HAL: variants seen among roughly 807,000 people sequenced by gnomAD.
The protein encoded by HAL is histidase.
In HAL, 85 loss-of-function variants were observed where a neutral mutation model predicts 81.1. That is an observed-to-expected ratio of 1.05 (90% CI 0.88 to 1.25). HAL has a LOEUF of 1.25. HAL is among the 50% of genes most tolerant of loss of function. The probability of loss-of-function intolerance (pLI) is 0.00; values close to 1 mark genes in which losing one functional copy is unlikely to be tolerated. For missense variants in HAL, 798 were observed against 836.6 expected, an observed-to-expected ratio of 0.95 and a Z score of 0.57; for synonymous variants, 301 against 309.2, an observed-to-expected ratio of 0.97 and a Z score of 0.28.
At chr12:95,992,856 C>A in intron 8 of HAL, 51 bp from the exon 9 acceptor site, 1 of 1,537,342 alleles carries the variant, frequency 6.5e-7, no homozygotes, top group South Asian at 1.1e-5. Flanking sequence ...TCCTTTTTGT[C>A]TCCTGACAAT....
rs1249546927 is a variant in HAL at position 95,976,613 on chromosome 12, A to C, written c.1748T>G (p.Val583Gly). Residue 583 changes from valine (V) to glycine (G), a missense_variant, in exon 19 of 21, where the codon GTG becomes GGG. By Grantham distance (109) the Val-to-Gly change is moderately radical. Transcript: ENST00000261208. ...TTPLEKVYDLVRSVVRPWIKD... is the reference protein window; with the variant it reads ...TTPLEKVYDLGRSVVRPWIKD... The stretch of plus-strand genomic sequence containing the variant: ...TTGATCTTACCTTACAACAGAGCGC[A>C]CCAGGTCATAGACCTTCTCCAGCGG... 1.9e-6 allele frequency: 3 copies of C among 1,608,108 alleles called. No individual in the cohort carries two copies. In the Admixed American group the frequency reaches 5.0e-5, roughly 27 times the overall value.
Position 95,980,838 on chromosome 12 carries a change from G to A in HAL, c.1313C>T (p.Thr438Ile), listed in dbSNP as rs779946154. The A allele has an allele frequency of 1.7e-5, 27 of 1,580,194 alleles. No individual in the cohort carries two copies. Among genetic ancestry groups the A allele is most frequent in the East Asian group, 1.3e-4 (6 of 44,656 alleles). ...ACCATGGAAGTTTCCTCCAGAAACT[G>A]TCTCTCCCCTATTGGCAAAGACCAT... is the stretch of plus-strand genomic sequence containing the variant. ...NPMVFANRGE[T>I]VSGGNFHGEY... The change falls in exon 16 of 21, where the codon ACA (threonine) becomes ATA (isoleucine). Residue 438 changes from threonine to isoleucine, a missense_variant. By Grantham distance (89) the Thr-to-Ile change is moderately conservative. Coordinates refer to ENST00000261208, the MANE Select transcript of HAL (RefSeq NM_002108.4).
chr12:95,974,472 T>C lies in HAL; in HGVS notation c.1834-100A>G, dbSNP rs536362434. The stretch of plus-strand genomic sequence containing the variant: ...CCGAAGTCAAAACATACTCTATACA[T>C]GACCAGACACAGCTGCTGTTTGCTT... On this transcript the variant is annotated intron_variant, in intron 20 of 20. Transcript: ENST00000261208. 1.4e-4 allele frequency: 139 copies of C among 1,026,980 alleles called. No individual in the cohort carries two copies. In the African/African-American group the frequency reaches 1.9e-3, roughly 14 times the overall value. 63.6% of individuals were successfully genotyped at this position (1,026,980 alleles called of 1,614,324 possible).
chr12:95,994,634 C>T (rs1181731924), intron 4 of HAL, among the ~76,000 whole-genome samples, 164 bp downstream of exon 4: 2 of 152,184 alleles, frequency 1.3e-5, no homozygotes, highest in Non-Finnish European at 2.9e-5. Flanking sequence ...AAGTGAACTG[C>T]CCACCTCGGC....
At chr12:95,986,238 C>T (rs1949886492) in intron 12 of HAL, 78 bp from the exon 13 acceptor site, 1 of 876,658 alleles carries the variant, frequency 1.1e-6, no homozygotes, top group Non-Finnish European at 1.9e-6. Context: ...TCACTACGTT[C>T]CCCAGGCTGG....
At position 95,980,569 on chromosome 12, in the gene HAL, C is replaced by G. The variant is rs772676554; in HGVS notation, c.1506G>C (p.Thr502=). Residue 502 remains threonine (T), a synonymous_variant, in exon 17 of 21, where the codon ACG becomes ACC. Coordinates refer to ENST00000261208, the MANE Select transcript of HAL (RefSeq NM_002108.4). The part of the protein sequence containing the change: ...LNSGFMIAHC[T]AAALVSENKA... ...CAGTGTCCTTACCAAGGGCTGCTGC[C>G]GTGCAGTGAGCTATCATGAACCCAG... The G allele has an allele frequency of 6.2e-6, 10 of 1,613,388 alleles. No individual in the cohort carries two copies. The highest frequency in any genetic ancestry group is 8.5e-6 in the Non-Finnish European group (10 of 1,179,972).
chr12:95,974,870 G>C (rs544188475), intron 20 of HAL, among the ~76,000 whole-genome samples: 49 of 152,268 alleles, frequency 3.2e-4, no homozygotes, highest in Admixed American at 2.0e-3. Context: ...CTCCTGAGTA[G>C]CTGGGATTAC....
rs1440244250 is a variant in HAL, at chr12:95,973,309, A to G, written c.*923T>C. The G allele has an allele frequency of 6.6e-6, 1 of 152,208 alleles. No homozygotes were observed. The highest frequency in any genetic ancestry group is 1.9e-4 in the East Asian group (1 of 5,194). 9.4% of individuals were successfully genotyped at this position (152,208 alleles called of 1,614,324 possible). A position where few individuals can be genotyped will look rare whatever the true frequency, so the allele number is the denominator to read the frequency against. Reference sequence around the variant, plus strand: ...TGAAGGTCCTTTATCTTCTCGGGGAAAAAAATAGATGCAGTAATACACTCT... The same window carrying G: ...TGAAGGTCCTTTATCTTCTCGGGGAGAAAAATAGATGCAGTAATACACTCT... On this transcript the variant is annotated 3_prime_UTR_variant, in exon 21 of 21. Coordinates refer to ENST00000261208, the MANE Select transcript of HAL (RefSeq NM_002108.4).
intron 14 of HAL, 143 bp from the exon 15 acceptor site, chr12:95,984,134 T>TACTATG (rs1949848298): frequency 6.2e-5 from 37 of 595,356 alleles, no homozygotes; most frequent in South Asian, 1.1e-4. Context: ...ATGGAAATTA[T>TACTATG]TTGAACTGAA....
intron 18 of HAL, among the ~76,000 whole-genome samples, chr12:95,977,363 G>A (rs1565984982): frequency 1.3e-5 from 2 of 149,408 alleles, no homozygotes; most frequent in Admixed American, 6.9e-5. Context: ...TCTCCACTTT[G>A]AATATGTTTT....
At chr12:95,988,169 C>A (rs766967657) in intron 11 of HAL, 24 bp downstream of exon 11, 2 of 1,191,224 alleles carry the variant, frequency 1.7e-6, no homozygotes, top group Admixed American at 1.7e-5. Flanking sequence ...GCACTATGAA[C>A]ATATTTTTCT....
Position 95,987,054 on chromosome 12 carries a change from G to T in HAL, c.1051+13C>A. The T allele has an allele frequency of 6.2e-7, 1 of 1,609,502 alleles. No individual in the cohort carries two copies. The highest frequency in any genetic ancestry group is 8.5e-7 in the Non-Finnish European group (1 of 1,176,468). ...TTGAATGAATAACAACCAAAAGGAAGAACCCTGCTGACCAGTGTCAAAGGC... is the reference window on the plus strand; with the variant it reads ...TTGAATGAATAACAACCAAAAGGAATAACCCTGCTGACCAGTGTCAAAGGC... On this transcript the variant is annotated intron_variant, in intron 12 of 20. Coordinates refer to ENST00000261208, the MANE Select transcript of HAL (RefSeq NM_002108.4).
At chr12:95,987,867 C>T (rs1949913834) in intron 11 of HAL, among the ~76,000 whole-genome samples, 2 of 145,204 alleles carry the variant, frequency 1.4e-5, no homozygotes, top group African/African-American at 2.5e-5. Flanking sequence ...CGCCACCATG[C>T]CTGGCTAATT....
intron 12 of HAL, 64 bp from the exon 13 acceptor site, chr12:95,986,224 G>GAAC: frequency 2.0e-6 from 2 of 980,818 alleles, no homozygotes; most frequent in Non-Finnish European, 3.2e-6. Context: ...TAAAGATGGG[G>GAAC]GTCTCACTAC....
intron 18 of HAL, 125 bp from the exon 19 acceptor site, chr12:95,976,831 G>A (rs921591676): frequency 2.8e-6 from 2 of 718,872 alleles, no homozygotes; most frequent in African/African-American, 1.7e-5. Context: ...CTGTCTATTG[G>A]TAGAATGAAG....
At chr12:95,975,279 T>C (rs2080702188) in intron 20 of HAL, among the ~76,000 whole-genome samples, 1 of 152,138 alleles carries the variant, frequency 6.6e-6, no homozygotes, top group Non-Finnish European at 1.5e-5. Flanking sequence ...ATAGCCACTT[T>C]AATGTTGGAG....
At chr12:95,990,067 G>A (rs1565992534) in intron 10 of HAL, among the ~76,000 whole-genome samples, 2 of 152,204 alleles carry the variant, frequency 1.3e-5, no homozygotes, top group Non-Finnish European at 2.9e-5. Flanking sequence ...AGACCAGCTC[G>A]TAATTAAAAT....
At chr12:95,993,673 ATC>A in intron 7 of HAL, 97 bp downstream of exon 7, 2 of 880,040 alleles carry the variant, frequency 2.3e-6, no homozygotes, top group Non-Finnish European at 3.8e-6. Context: ...TCATCCTCTG[ATC>A]TGTAAATTGG....
At position 95,993,988 on chromosome 12, in the gene HAL, G is replaced by A; in HGVS notation, c.422C>T (p.Thr141Ile). 1.2e-6 allele frequency: 2 copies of A among 1,611,500 alleles called. No individual in the cohort carries two copies. The highest frequency in any genetic ancestry group is 1.7e-6 in the Non-Finnish European group (2 of 1,177,642). Reference sequence around the variant, plus strand: ...GGATTTCTGCACCCTCTTCTCAGCTGTTGGGGTGAGCTAGGAAAATGTTGA... The same window carrying A: ...GGATTTCTGCACCCTCTTCTCAGCTATTGGGGTGAGCTAGGAAAATGTTGA... ...KGRYKIKLTPTAEKRVQKSRE... is the reference protein window; with the variant it reads ...KGRYKIKLTPIAEKRVQKSRE... The change falls in exon 6 of 21, where the codon ACA becomes ATA. Residue 141 changes from threonine (T) to isoleucine (I), a missense_variant. Transcript: ENST00000261208.
Sources: gnomAD v4.1 joint callset for allele counts (sites outside exome capture counted in the v4.1 genomes callset) on GRCh38, gnomAD v4.1.1 for gene constraint, MANE v1.5 for transcripts, NCBI Gene and HGNC (gene_info 2026-07-23, HGNC 2026-07-21) for gene names.